Variants in RGS22 observed in about 807,000 individuals in gnomAD.
The protein encoded by RGS22 is regulator of G protein signaling 22.
In RGS22, 148 loss-of-function variants were observed where a neutral mutation model predicts 172.9. That is an observed-to-expected ratio of 0.86 (90% CI 0.75 to 0.98). The LOEUF is 0.98. Among genes scored for constraint, RGS22 ranks in the 50% least tolerant of loss-of-function variants. The pLI, the probability that RGS22 is intolerant of heterozygous loss-of-function variation, is 0.00. For synonymous variants in RGS22, 458 were observed against 480.2 expected (o/e 0.95, Z 0.60); for missense variants, 1,347 against 1,440.8 (o/e 0.93, Z 1.05).
At chr8:99,978,175 A>C in intron 22 of RGS22, 100 bp from the exon 23 acceptor site, 1 of 631,588 alleles carries the variant, frequency 1.6e-6, no homozygotes. Context: ...TTTAATATAT[A>C]CCATGTTTGC....
chr8:100,036,413 T>C (rs1297741509), intron 14 of RGS22, among the ~76,000 whole-genome samples: 1 of 152,192 alleles, frequency 6.6e-6, no homozygotes, highest in South Asian at 2.1e-4. Flanking sequence ...GTCATGCTAA[T>C]CACTGTTACT....
At position 100,065,810 on chromosome 8, in the gene RGS22, T is replaced by C. The variant is rs537527919; in HGVS notation, c.724+357A>G. On this transcript the variant is annotated intron_variant, in intron 7 of 27. Transcript: ENST00000360863. ...CTTAACAAGAATTTATAAACTGTGA[T>C]AAGAAATAATGACATTGATTGACTG... Among the ~76,000 whole-genome samples, 418 of 152,238 alleles carry C rather than the reference T, an allele frequency of 2.7e-3. 1 individual carries two copies. The highest frequency in any genetic ancestry group is 4.7e-3 in the Non-Finnish European group (317 of 68,014).
intron 8 of RGS22, 101 bp downstream of exon 8, chr8:100,063,315 T>G: frequency 1.3e-6 from 1 of 787,226 alleles, no homozygotes; most frequent in Non-Finnish European, 1.9e-6. Context: ...AAAATTACAT[T>G]TTTTAAAATT....
intron 14 of RGS22, among the ~76,000 whole-genome samples, chr8:100,017,970 A>C (rs1817186481): frequency 6.6e-6 from 1 of 152,188 alleles, no homozygotes; most frequent in Non-Finnish European, 1.5e-5. Context: ...GCTGTGGCCA[A>C]CATGAGTCCA....
rs757162719 is a variant in RGS22 at position 100,006,014 on chromosome 8, T to C, written c.2454+3A>G. 1.2e-6 allele frequency: 2 copies of C among 1,612,002 alleles called. No homozygotes were observed. On this transcript the variant is annotated splice_donor_region_variant and intron_variant, in intron 16 of 27. Coordinates refer to ENST00000360863, the MANE Select transcript of RGS22 (RefSeq NM_015668.5). ...TGTTTTTCTAAGTAGAAAGTTGCCTTACCTCAGCTTTCTTGGAAAATGTCT... is the reference window on the plus strand; with the variant it reads ...TGTTTTTCTAAGTAGAAAGTTGCCTCACCTCAGCTTTCTTGGAAAATGTCT...
At chr8:100,101,728 G>A (rs919991026) in intron 2 of RGS22, among the ~76,000 whole-genome samples, 3 of 151,482 alleles carry the variant, frequency 2.0e-5, no homozygotes, top group Non-Finnish European at 4.4e-5. Flanking sequence ...TTCTAAATGA[G>A]TTATTCTATC....
intron 14 of RGS22, among the ~76,000 whole-genome samples, chr8:100,027,774 C>A (rs902407675): frequency 2.0e-5 from 3 of 152,118 alleles, no homozygotes; most frequent in Admixed American, 6.6e-5. Flanking sequence ...TGAGCCATCA[C>A]GCCTGGCCTA....
chr8:100,085,166 T>C (rs913036891), intron 3 of RGS22, among the ~76,000 whole-genome samples: 2 of 152,232 alleles, frequency 1.3e-5, no homozygotes, highest in Non-Finnish European at 2.9e-5. Context: ...CAGTCCATGA[T>C]GGACGTTCCA....
At chr8:99,975,003 A>G (rs1018943475) in intron 23 of RGS22, among the ~76,000 whole-genome samples, 23 of 152,124 alleles carry the variant, frequency 1.5e-4, no homozygotes, top group African/African-American at 5.5e-4. Flanking sequence ...AAAATTAGCC[A>G]GGCGTGGTGG....
chr8:99,975,355 T>G (rs1485305678), intron 23 of RGS22, among the ~76,000 whole-genome samples: 1 of 152,206 alleles, frequency 6.6e-6, no homozygotes, highest in East Asian at 1.9e-4. Flanking sequence ...CTAATAATCC[T>G]TAATTAACCT....
At chr8:99,995,621 G>C (rs894457525) in intron 20 of RGS22, among the ~76,000 whole-genome samples, 1 of 152,190 alleles carries the variant, frequency 6.6e-6, no homozygotes, top group Non-Finnish European at 1.5e-5. Context: ...ACAGATGCTG[G>C]AGAGGATGTG....
intron 2 of RGS22, among the ~76,000 whole-genome samples, chr8:100,102,419 T>G (rs1392809869): frequency 2.0e-5 from 3 of 152,210 alleles, no homozygotes; most frequent in Admixed American, 2.0e-4. Context: ...CGTGACACAT[T>G]TTTCCTAAGA....
intron 10 of RGS22, among the ~76,000 whole-genome samples, chr8:100,048,768 A>G (rs1469429482): frequency 1.3e-5 from 2 of 152,180 alleles, no homozygotes; most frequent in East Asian, 3.8e-4. Context: ...TTAAAAGTAT[A>G]TAATACAAAA....
chr8:99,962,091 T>A (rs1810264104), intron 27 of RGS22, among the ~76,000 whole-genome samples: 1 of 151,824 alleles, frequency 6.6e-6, no homozygotes, highest in African/African-American at 2.4e-5. Context: ...TTAAGTTCCT[T>A]CTAATATTCC....
intron 3 of RGS22, among the ~76,000 whole-genome samples, chr8:100,083,670 A>G (rs181051612): frequency 3.9e-5 from 6 of 152,038 alleles, no homozygotes; most frequent in Admixed American, 6.5e-5. Flanking sequence ...CCAGCCAACA[A>G]TTACTTTTAT....
At position 100,003,912 on chromosome 8, in the gene RGS22, G is replaced by C; in HGVS notation, c.2627+14C>G. On this transcript the variant is annotated intron_variant, in intron 17 of 27. Coordinates refer to ENST00000360863, the MANE Select transcript of RGS22 (RefSeq NM_015668.5). Reference sequence around the variant, plus strand: ...AAATGTTTTCAGTGAGAAATATATGGTTATGTCCCTCACCTTGAAGAATGA... The same window carrying C: ...AAATGTTTTCAGTGAGAAATATATGCTTATGTCCCTCACCTTGAAGAATGA... The C allele has an allele frequency of 2.5e-6, 4 of 1,590,410 alleles. No individual in the cohort carries two copies. The highest frequency in any genetic ancestry group is 2.6e-6 in the Non-Finnish European group (3 of 1,166,988).
At chr8:100,010,480 G>A (rs569175338) in intron 14 of RGS22, among the ~76,000 whole-genome samples, 2 of 152,152 alleles carry the variant, frequency 1.3e-5, no homozygotes, top group Admixed American at 1.3e-4. Context: ...GTGAGACTCC[G>A]TCTAAAAAAA....
chr8:99,978,463 G>T (rs1360008034), intron 22 of RGS22, among the ~76,000 whole-genome samples: 4 of 152,068 alleles, frequency 2.6e-5, no homozygotes, highest in Admixed American at 6.6e-5. Context: ...CAAATGTCCA[G>T]TTCATCAAGG....
intron 18 of RGS22, among the ~76,000 whole-genome samples, chr8:100,001,233 T>TAC (rs1815049217): frequency 7.9e-6 from 1 of 126,692 alleles, no homozygotes; most frequent in African/African-American, 2.8e-5. Context: ...TATATATATA[T>TAC]ACATTTTTTT....
Sources: allele counts gnomAD v4.1 joint callset (sites outside exome capture counted in the v4.1 genomes callset), GRCh38; gene constraint gnomAD v4.1.1; transcripts MANE v1.5; gene names NCBI Gene and HGNC (gene_info 2026-07-23, HGNC 2026-07-21).